The following SCML2 variants were observed in gnomAD, a reference collection of about 807,000 sequenced individuals.
SCML2 encodes the protein Scm polycomb group protein like 2, also known as sex comb on midleg-like protein 2.
In SCML2, 6 loss-of-function variants were observed where a neutral mutation model predicts 48.4. That is an observed-to-expected ratio of 0.12 (90% CI 0.07 to 0.24). The LOEUF (loss-of-function observed/expected upper bound fraction) is 0.24. SCML2 is among the 10% of genes least tolerant of loss of function. SCML2 has a pLI of 1.00. For missense variants in SCML2, 377 were observed against 528.2 expected (o/e 0.71, Z 2.81); for synonymous variants, 181 against 189.5 (o/e 0.95, Z 0.37).
intron 11 of SCML2, among the ~76,000 whole-genome samples, chrX:18,251,309 C>CAAAAAAAAA (rs750658948): frequency 3.0e-4 from 2 of 6,772 alleles, no homozygotes; most frequent in African/African-American, 1.5e-3. Flanking sequence ...GATTCCATTG[C>CAAAAAAAAA]AAAAAAAAAA....
At position 18,257,033 on chromosome X, in the gene SCML2, ATTGGGGG is replaced by A; in HGVS notation, c.1274-10_1274-4del. 8.7e-7 allele frequency: 1 copy of A among 1,143,707 alleles called. No individual in the cohort carries two copies. The highest frequency in any genetic ancestry group is 1.8e-5 in the African/African-American group (1 of 54,984). The allele number at this position is 1,143,707 out of a possible 1,213,427, so 94.3% of individuals were successfully genotyped here. A position where few individuals can be genotyped will look rare whatever the true frequency, so the allele number is the denominator to read the frequency against. ...ATGAGTTTCCCCATCAAAGGAGGCT[ATTGGGGG>A]AAAAAAAAGGATGTCAGTAACCTCA... On this transcript the variant is annotated splice_region_variant and splice_polypyrimidine_tract_variant and intron_variant, in intron 10 of 14. Coordinates refer to ENST00000251900, the MANE Select transcript of SCML2 (RefSeq NM_006089.3).
chrX:18,348,895 A>C (rs959637524), intron 1 of SCML2, among the ~76,000 whole-genome samples: 8 of 111,997 alleles, frequency 7.1e-5, no homozygotes, highest in African/African-American at 2.6e-4. Flanking sequence ...TAAACCAGCT[A>C]AAACTGATGA....
intron 1 of SCML2, among the ~76,000 whole-genome samples, chrX:18,351,249 A>G (rs1424985177): frequency 9.2e-6 from 1 of 108,872 alleles, no homozygotes; most frequent in East Asian, 2.8e-4. Flanking sequence ...CAGCCTGGGC[A>G]ACACAGCGAG....
At chrX:18,276,693 C>T (rs1490873362) in intron 7 of SCML2, among the ~76,000 whole-genome samples, 10 of 111,839 alleles carry the variant, frequency 8.9e-5, no homozygotes, top group African/African-American at 3.3e-4. Context: ...CATGTATAAA[C>T]CTTGAAGGCA....
rs891115646 is a variant in SCML2, at chrX:18,294,533, C to G, written c.730+10439G>C. Among the ~76,000 whole-genome samples the G allele has an allele frequency of 9.0e-5, 10 of 110,989 alleles. 1 individual carries two copies. The highest frequency in any genetic ancestry group is 1.9e-4 in the Non-Finnish European group (10 of 53,018). ...ATTGCTCTAGAAAGTGAGCCCACGT[C>G]CCAAGTCCTAAGCAACTGTAGCACA... On this transcript the variant is annotated intron_variant, in intron 7 of 14. Coordinates refer to ENST00000251900, the MANE Select transcript of SCML2 (RefSeq NM_006089.3).
intron 6 of SCML2, among the ~76,000 whole-genome samples, chrX:18,306,031 T>C (rs1198139721): frequency 1.8e-5 from 2 of 111,516 alleles, no homozygotes; most frequent in Non-Finnish European, 3.8e-5. Context: ...CTGGAAATAG[T>C]AATCCTATTC....
chrX:18,251,157 C>T (rs1926643719), intron 11 of SCML2, among the ~76,000 whole-genome samples: 1 of 108,051 alleles, frequency 9.3e-6, no homozygotes, highest in African/African-American at 3.4e-5. Context: ...ACTAAAAATA[C>T]AAAAATTAGC....
At chrX:18,276,227 G>A (rs1927627135) in intron 7 of SCML2, among the ~76,000 whole-genome samples, 1 of 109,572 alleles carries the variant, frequency 9.1e-6, no homozygotes, top group Non-Finnish European at 1.9e-5. Flanking sequence ...CCAGGAAGCG[G>A]AGGTTGCAGT....
At chrX:18,300,442 A>G (rs1164013365) in intron 7 of SCML2, among the ~76,000 whole-genome samples, 2 of 108,843 alleles carry the variant, frequency 1.8e-5, no homozygotes, top group Non-Finnish European at 3.8e-5. Flanking sequence ...AAAGATAACA[A>G]AAACATCATC....
At chrX:18,264,223 C>T (rs1927175693) in intron 8 of SCML2, among the ~76,000 whole-genome samples, 1 of 111,552 alleles carries the variant, frequency 9.0e-6, no homozygotes, top group African/African-American at 3.3e-5. Context: ...CTTTCTCAAT[C>T]TTAGTCTGAG....
intron 1 of SCML2, among the ~76,000 whole-genome samples, chrX:18,345,808 C>T (rs1253712890): frequency 9.0e-6 from 1 of 110,536 alleles, no homozygotes; most frequent in Admixed American, 9.7e-5. Flanking sequence ...CCTGACCTCC[C>T]GGCCTTAAGT....
Position 18,241,383 on chromosome X carries a change from C to G in SCML2, c.1975-4G>C, listed in dbSNP as rs780556796. 1.0e-4 allele frequency: 114 copies of G among 1,128,543 alleles called. 1 individual carries two copies. In the South Asian group the frequency reaches 2.2e-3, roughly 22 times the overall value. 93.0% of individuals were successfully genotyped at this position (1,128,543 alleles called of 1,213,427 possible). On this transcript the variant is annotated splice_region_variant and splice_polypyrimidine_tract_variant and intron_variant, in intron 14 of 14. Transcript: ENST00000251900. ...ACAGAGCCTTCCCATCAATTTCCTACAGAGAGAAGGAAATCATAATCATTA... is the reference window on the plus strand; with the variant it reads ...ACAGAGCCTTCCCATCAATTTCCTAGAGAGAGAAGGAAATCATAATCATTA...
intron 11 of SCML2, among the ~76,000 whole-genome samples, chrX:18,253,542 TCTATTTAAAA>T (rs1325753155): frequency 1.8e-5 from 2 of 111,406 alleles, no homozygotes; most frequent in Non-Finnish European, 3.8e-5. Flanking sequence ...AGAATTATAA[TCTATTTAAAA>T]AAGCAGAGAG....
intron 1 of SCML2, among the ~76,000 whole-genome samples, chrX:18,335,108 G>C (rs751576039): frequency 1.8e-5 from 2 of 111,272 alleles, no homozygotes; most frequent in East Asian, 5.7e-4. Context: ...TATATACGGG[G>C]TGTTGAATCC....
At chrX:18,272,537 T>G (rs1277051061) in intron 7 of SCML2, among the ~76,000 whole-genome samples, 1 of 112,586 alleles carries the variant, frequency 8.9e-6, no homozygotes, top group Non-Finnish European at 1.9e-5. Flanking sequence ...CAGCTATTCC[T>G]TTCCCTGCTT....
intron 7 of SCML2, among the ~76,000 whole-genome samples, chrX:18,283,236 T>A (rs1927927052): frequency 8.9e-6 from 1 of 111,758 alleles, no homozygotes; most frequent in African/African-American, 3.2e-5. Flanking sequence ...AAGCTTTCGA[T>A]AAAACCCAAC....
intron 7 of SCML2, among the ~76,000 whole-genome samples, chrX:18,291,695 T>C (rs1928236892): frequency 1.8e-5 from 2 of 111,308 alleles, no homozygotes; most frequent in Non-Finnish European, 3.8e-5. Context: ...AGCAAACATT[T>C]CCAGTGTTTT....
chrX:18,263,879 T>C (rs1409134296), intron 8 of SCML2, among the ~76,000 whole-genome samples: 1 of 109,402 alleles, frequency 9.1e-6, no homozygotes, highest in African/African-American at 3.3e-5. Context: ...CCTCCATGGC[T>C]TTTGATGAGA....
intron 6 of SCML2, among the ~76,000 whole-genome samples, chrX:18,305,484 C>T (rs895233392): frequency 9.0e-6 from 1 of 111,610 alleles, no homozygotes; most frequent in Non-Finnish European, 1.9e-5. Context: ...TATGTATTAT[C>T]TACTATGTAC....
Sources: allele counts gnomAD v4.1 joint callset (sites outside exome capture counted in the v4.1 genomes callset), GRCh38; gene constraint gnomAD v4.1.1; transcripts MANE v1.5; gene names NCBI Gene and HGNC (gene_info 2026-07-23, HGNC 2026-07-21).